The following NFAT5 variants were observed in gnomAD, a reference collection of about 807,000 sequenced individuals.
The protein encoded by NFAT5 is nuclear factor of activated T cells 5, also known as nuclear factor of activated T-cells 5.
Under a neutral mutation model 166.5 loss-of-function variants are expected in NFAT5, and 31 were observed. That is an observed-to-expected ratio of 0.19 (90% CI 0.14 to 0.25). The LOEUF is 0.25. Ranked by LOEUF, NFAT5 falls within the 10% of genes least tolerant of loss-of-function variation. The probability of loss-of-function intolerance (pLI) is 1.00; values close to 1 mark genes in which losing one functional copy is unlikely to be tolerated. For synonymous variants in NFAT5, 612 were observed against 639.7 expected (o/e 0.96, Z 0.65); for missense variants, 1,449 against 1,821.8 (o/e 0.80, Z 3.72).
chr16:69,628,970 A>C (rs1413725276), intron 3 of NFAT5, among the ~76,000 whole-genome samples: 1 of 152,198 alleles, frequency 6.6e-6, no homozygotes, highest in African/African-American at 2.4e-5. Flanking sequence ...GCTACTCTGG[A>C]GGCTGAGGCA....
intron 2 of NFAT5, among the ~76,000 whole-genome samples, chr16:69,580,426 G>A (rs970416485): frequency 2.0e-5 from 3 of 151,742 alleles, no homozygotes; most frequent in African/African-American, 7.3e-5. Context: ...AGCTACTCAG[G>A]AGGCTGAGGA....
chr16:69,621,392 C>T (rs2034191265), intron 2 of NFAT5, among the ~76,000 whole-genome samples: 1 of 152,038 alleles, frequency 6.6e-6, no homozygotes, highest in Admixed American at 6.5e-5. Context: ...AAAAAGAAAC[C>T]TTATCTAATA....
intron 2 of NFAT5, among the ~76,000 whole-genome samples, chr16:69,609,818 T>TG (rs1209861954): frequency 3.2e-5 from 3 of 92,846 alleles, no homozygotes; most frequent in East Asian, 3.4e-4. Context: ...CTGTCTCTAC[T>TG]GAAAAAAAAA....
intron 3 of NFAT5, among the ~76,000 whole-genome samples, chr16:69,631,209 G>A (rs1427488616): frequency 1.3e-5 from 2 of 152,098 alleles, no homozygotes; most frequent in Non-Finnish European, 2.9e-5. Context: ...GAGGTGGGTG[G>A]ATCATGAGGT....
In NFAT5 at chr16:69,691,960, C is replaced by T. The variant is rs1441808759; in HGVS notation, c.2135C>T (p.Ala712Val). The T allele has an allele frequency of 1.7e-5, 27 of 1,614,036 alleles. No homozygotes were observed. The highest frequency in any genetic ancestry group is 2.2e-5 in the Non-Finnish European group (26 of 1,180,032). Residue 712 changes from alanine (A) to valine (V), a missense_variant, in exon 13 of 15, where the codon GCT (alanine) becomes GTT (valine). Physicochemically the swap from Ala to Val is moderately conservative, Grantham distance 64 (BLOSUM62 0). Around this residue, in one of 7 missense-constraint regions of NFAT5, gnomAD observed 891 missense variants for 993.0 expected, o/e 0.90. Coordinates refer to ENST00000349945, the MANE Select transcript of NFAT5 (RefSeq NM_138713.4). ...CCTGGTACTTTTCCAGCAGTTTCTG[C>T]TTCTAGTCAGCTGCCCAACAGCGAT... Reference protein sequence around the residue: ...SQPGTFPAVSASSQLPNSDAL... With the variant: ...SQPGTFPAVSVSSQLPNSDAL...
intron 2 of NFAT5, among the ~76,000 whole-genome samples, chr16:69,569,230 A>C (rs1257241295): frequency 6.6e-6 from 1 of 152,010 alleles, no homozygotes; most frequent in Admixed American, 6.6e-5. Context: ...TTTCACATAT[A>C]TCATCTTTAA....
chr16:69,567,755 G>C (rs2016155055), intron 1 of NFAT5, among the ~76,000 whole-genome samples: 2 of 151,922 alleles, frequency 1.3e-5, no homozygotes, highest in African/African-American at 4.8e-5. Flanking sequence ...CATTACCTGA[G>C]GTACTTTAGA....
At chr16:69,578,638 C>T (rs940365325) in intron 2 of NFAT5, among the ~76,000 whole-genome samples, 1 of 152,044 alleles carries the variant, frequency 6.6e-6, no homozygotes, top group Admixed American at 6.6e-5. Context: ...AATAGCTATC[C>T]TTTACAATGG....
intron 2 of NFAT5, among the ~76,000 whole-genome samples, chr16:69,609,544 A>G (rs913810285): frequency 6.6e-6 from 1 of 152,248 alleles, no homozygotes; most frequent in Admixed American, 6.5e-5. Flanking sequence ...TTGAATTAAG[A>G]GGCAGAAGTA....
At chr16:69,593,285 G>A (rs1407505444) in intron 2 of NFAT5, among the ~76,000 whole-genome samples, 36 of 152,174 alleles carry the variant, frequency 2.4e-4, no homozygotes, top group Middle Eastern at 6.8e-3. Flanking sequence ...AGTGGTGTCT[G>A]CCAAATGAAT....
chr16:69,681,720 A>G (rs113052188), intron 10 of NFAT5, among the ~76,000 whole-genome samples: 35,973 of 150,378 alleles, frequency 0.24, 4,607 homozygotes, highest in East Asian at 0.45. Context: ...GATCGAGACC[A>G]TCCTGGCTAA....
intron 5 of NFAT5, among the ~76,000 whole-genome samples, chr16:69,654,107 C>T (rs1272363236): frequency 6.6e-6 from 1 of 151,782 alleles, no homozygotes; most frequent in Non-Finnish European, 1.5e-5. Flanking sequence ...AATTTTAGCA[C>T]CTAGGATATC....
intron 7 of NFAT5, among the ~76,000 whole-genome samples, chr16:69,662,616 C>T (rs1023616876): frequency 1.3e-5 from 2 of 151,892 alleles, no homozygotes; most frequent in African/African-American, 2.4e-5. Flanking sequence ...CCCGCCACCA[C>T]GCCCGGCTAA....
intron 1 of NFAT5, 147 bp from the exon 2 acceptor site, chr16:69,568,344 ATATG>A (rs1456957134): frequency 1.6e-3 from 346 of 215,406 alleles, no homozygotes; most frequent in South Asian, 4.3e-3. Flanking sequence ...GTATATATAT[ATATG>A]TGTGTGTGTG....
chr16:69,629,998 G>A (rs2034640477), intron 3 of NFAT5, among the ~76,000 whole-genome samples: 2 of 151,116 alleles, frequency 1.3e-5, no homozygotes, highest in South Asian at 2.1e-4. Flanking sequence ...GTGCAGCAGT[G>A]TGATCTCAGC....
At chr16:69,619,651 T>C (rs1033592621) in intron 2 of NFAT5, among the ~76,000 whole-genome samples, 1 of 152,202 alleles carries the variant, frequency 6.6e-6, no homozygotes, top group African/African-American at 2.4e-5. Context: ...GTTATTTTGC[T>C]GAGTGAGTAC....
intron 2 of NFAT5, among the ~76,000 whole-genome samples, chr16:69,578,846 T>C (rs534670005): frequency 2.0e-4 from 30 of 152,046 alleles, no homozygotes; most frequent in Non-Finnish European, 4.1e-4. Flanking sequence ...GTAAGAACTT[T>C]AGAAACACTA....
intron 11 of NFAT5, among the ~76,000 whole-genome samples, chr16:69,687,836 C>T (rs1187419501): frequency 6.6e-6 from 1 of 151,900 alleles, no homozygotes; most frequent in African/African-American, 2.4e-5. Context: ...AAATATAAGC[C>T]AGGTACAGTG....
intron 4 of NFAT5, among the ~76,000 whole-genome samples, chr16:69,652,367 A>G (rs2035706179): frequency 6.6e-6 from 1 of 151,658 alleles, no homozygotes; most frequent in Non-Finnish European, 1.5e-5. Context: ...CAGGAGAATC[A>G]CTTGAACCCA....
Sources: gnomAD v4.1 joint callset for allele counts (sites outside exome capture counted in the v4.1 genomes callset) on GRCh38, gnomAD v4.1.1 for gene constraint, gnomAD v4.1.1 regional missense constraint, MANE v1.5 for transcripts, NCBI Gene and HGNC (gene_info 2026-07-23, HGNC 2026-07-21) for gene names.